The following CDCP1 variants were observed in gnomAD, a reference collection of about 807,000 sequenced individuals.
CDCP1 encodes the protein CUB domain-containing protein 1.
A neutral mutation model predicts 60.2 loss-of-function variants in CDCP1; 29 were observed. That is an observed-to-expected ratio of 0.48 (90% CI 0.36 to 0.66). The LOEUF (loss-of-function observed/expected upper bound fraction) is 0.66, where lower values mean the gene tolerates loss of function less well. CDCP1 is among the 30% of genes least tolerant of loss of function. The probability of loss-of-function intolerance (pLI) is 0.00; values close to 1 mark genes in which losing one functional copy is unlikely to be tolerated. For missense variants in CDCP1, 876 were observed against 1,074.3 expected (o/e 0.82, Z 2.58); for synonymous variants, 387 against 431.1 (o/e 0.90, Z 1.27).
At chr3:45,138,497 A>T (rs534690153) in intron 1 of CDCP1, among the ~76,000 whole-genome samples, 1 of 152,252 alleles carries the variant, frequency 6.6e-6, no homozygotes, top group South Asian at 2.1e-4. Flanking sequence ...AAAGTGTCTT[A>T]GTTCGTTTTG....
In CDCP1 at chr3:45,110,844, A is replaced by T. The variant is rs1205242258; in HGVS notation, c.656-3T>A. 2 of 1,605,648 alleles carry T rather than the reference A, an allele frequency of 1.2e-6. No individual in the cohort carries two copies. The highest frequency in any genetic ancestry group is 1.3e-5 in the African/African-American group (1 of 74,750). On this transcript the variant is annotated splice_polypyrimidine_tract_variant and splice_region_variant and intron_variant, in intron 3 of 8. Transcript: ENST00000296129. ...CACAGACTCGATGATGCACAGACCTAGTGGGAGTGGAACCCAAACCAGAAA... is the reference window on the plus strand; with the variant it reads ...CACAGACTCGATGATGCACAGACCTTGTGGGAGTGGAACCCAAACCAGAAA...
intron 2 of CDCP1, 110 bp downstream of exon 2, chr3:45,118,302 T>C: frequency 3.7e-6 from 3 of 813,500 alleles, no homozygotes; most frequent in Non-Finnish European, 4.0e-6. Context: ...AGTTTCAGAA[T>C]AGATCTTAGC....
Position 45,093,661 on chromosome 3 carries a change from G to A in CDCP1, c.1247-4C>T. On this transcript the variant is annotated splice_region_variant and splice_polypyrimidine_tract_variant and intron_variant, in intron 5 of 8. Coordinates refer to ENST00000296129, the MANE Select transcript of CDCP1 (RefSeq NM_022842.5). Reference sequence around the variant, plus strand: ...CAGTACCGGTGGTCTGTGCAGCCTGGAAGAAGTGGGGCATGCTAGCCATGC... The same window carrying A: ...CAGTACCGGTGGTCTGTGCAGCCTGAAAGAAGTGGGGCATGCTAGCCATGC... 2.5e-6 allele frequency: 4 copies of A among 1,603,374 alleles called. No homozygotes were observed. The highest frequency in any genetic ancestry group is 2.2e-5 in the East Asian group (1 of 44,650).
chr3:45,094,900 C>T (rs1236587589), intron 5 of CDCP1, among the ~76,000 whole-genome samples: 1 of 151,318 alleles, frequency 6.6e-6, no homozygotes, highest in Non-Finnish European at 1.5e-5. Context: ...ACCCACTCTG[C>T]TTGCCTCCTG....
chr3:45,141,811 G>C (rs757112508), intron 1 of CDCP1, among the ~76,000 whole-genome samples: 1 of 151,788 alleles, frequency 6.6e-6, no homozygotes, highest in Admixed American at 6.6e-5. Flanking sequence ...TTATAATTTA[G>C]AATGATAATT....
chr3:45,089,480 G>A (rs1186490533), intron 7 of CDCP1, among the ~76,000 whole-genome samples: 3 of 152,154 alleles, frequency 2.0e-5, no homozygotes, highest in Non-Finnish European at 4.4e-5. Flanking sequence ...TAGCCATGTA[G>A]AGATTCCACC....
chr3:45,119,762 A>G (rs1250487220), intron 1 of CDCP1, among the ~76,000 whole-genome samples: 3 of 152,214 alleles, frequency 2.0e-5, no homozygotes, highest in South Asian at 2.1e-4. Flanking sequence ...ACTCATTTTG[A>G]GAGTTTTGAC....
chr3:45,132,408 G>T (rs2126006786), intron 1 of CDCP1, among the ~76,000 whole-genome samples: 1 of 152,276 alleles, frequency 6.6e-6, no homozygotes, highest in African/African-American at 2.4e-5. Context: ...CTAGAGACGG[G>T]GTGGGGTGGT....
intron 1 of CDCP1, among the ~76,000 whole-genome samples, chr3:45,132,248 A>G (rs1699113356): frequency 6.6e-6 from 1 of 152,010 alleles, no homozygotes; most frequent in African/African-American, 2.4e-5. Context: ...AAAAAAAAAA[A>G]AGACATATAA....
chr3:45,101,924 G>C (rs1698490651), intron 4 of CDCP1, among the ~76,000 whole-genome samples: 1 of 151,192 alleles, frequency 6.6e-6, no homozygotes, highest in East Asian at 1.9e-4. Context: ...GCTTGGTTTA[G>C]TTCAACAGCC....
At chr3:45,119,758 T>G (rs115802224) in intron 1 of CDCP1, among the ~76,000 whole-genome samples, 2,582 of 152,336 alleles carry the variant, frequency 0.017, 81 homozygotes, top group African/African-American at 0.059. Flanking sequence ...ACTCACTCAT[T>G]TTGAGAGTTT....
chr3:45,093,593 G>A lies in CDCP1; in HGVS notation c.1311C>T (p.Leu437=), dbSNP rs1251430292. Residue 437 remains leucine, a synonymous_variant, in exon 6 of 9, where the codon CTC becomes CTT. Coordinates refer to ENST00000296129, the MANE Select transcript of CDCP1 (RefSeq NM_022842.5). ...AGTCATGCAGCTCCACAGGCAGGTG[G>A]AGGATGTCACTGGGCACCTGGAGTG... ...SYSLQVPSDI[L]HLPVELHDFS... 6 of 1,614,248 alleles carry A rather than the reference G, an allele frequency of 3.7e-6. No individual in the cohort carries two copies. Among genetic ancestry groups the A allele is most frequent in the Admixed American group, 1.7e-5 (1 of 60,030 alleles).
intron 4 of CDCP1, among the ~76,000 whole-genome samples, chr3:45,108,244 T>A (rs553202921): frequency 4.5e-4 from 68 of 152,152 alleles, no homozygotes; most frequent in Non-Finnish European, 8.4e-4. Flanking sequence ...AAGATGAAGC[T>A]GCCCAGAGAT....
In CDCP1 at chr3:45,088,849, G is replaced by A. The variant is rs56278330; in HGVS notation, c.2081+205C>T. ...AACTACATACAGGTGAAAATGTCACGTGTGTTTTATCCCCCCCTCACCCCC... is the reference window on the plus strand; with the variant it reads ...AACTACATACAGGTGAAAATGTCACATGTGTTTTATCCCCCCCTCACCCCC... On this transcript the variant is annotated intron_variant, in intron 8 of 8. Coordinates refer to ENST00000296129, the MANE Select transcript of CDCP1 (RefSeq NM_022842.5). Among the ~76,000 whole-genome samples, 239 of 151,980 alleles carry A rather than the reference G, an allele frequency of 1.6e-3. 1 individual carries two copies. Among genetic ancestry groups the A allele is most frequent in the Non-Finnish European group, 3.0e-3 (206 of 68,016 alleles).
chr3:45,117,463 A>C (rs1168053658), intron 2 of CDCP1, among the ~76,000 whole-genome samples: 1 of 152,214 alleles, frequency 6.6e-6, no homozygotes, highest in Non-Finnish European at 1.5e-5. Context: ...TAATTTGCTT[A>C]AAGTCATGTG....
intron 4 of CDCP1, among the ~76,000 whole-genome samples, chr3:45,095,966 A>T (rs1306595098): frequency 6.6e-6 from 1 of 152,246 alleles, no homozygotes; most frequent in Non-Finnish European, 1.5e-5. Flanking sequence ...CTAAATATTT[A>T]AAATATAGAA....
intron 1 of CDCP1, among the ~76,000 whole-genome samples, chr3:45,126,132 T>TTCTTTC (rs1207670546): frequency 7.4e-6 from 1 of 136,050 alleles, no homozygotes; most frequent in Non-Finnish European, 1.5e-5. Flanking sequence ...CTTTCTTTCT[T>TTCTTTC]TCTTTCTTTC....
In CDCP1 at chr3:45,095,537, CT is replaced by C; in HGVS notation, c.1055del (p.Glu352GlyfsTer27). ...GCTCGATGGTGAGTGACATGGCTCGCTCATTACTCAAGTCAACCACGTAGAT... is the reference window on the plus strand; with the variant it reads ...GCTCGATGGTGAGTGACATGGCTCGCCATTACTCAAGTCAACCACGTAGAT... ...NKIYVVDLSN[E>X]RAMSLTIEPR... On this transcript the variant is annotated frameshift_variant, in exon 5 of 9. Coordinates refer to ENST00000296129, the MANE Select transcript of CDCP1 (RefSeq NM_022842.5). LOFTEE classifies it high-confidence loss of function. 1 of 1,614,078 alleles carries C rather than the reference CT, an allele frequency of 6.2e-7. No individual in the cohort carries two copies. Among genetic ancestry groups the C allele is most frequent in the Non-Finnish European group, 8.5e-7 (1 of 1,180,018 alleles).
At chr3:45,095,861 G>T (rs1263169187) in intron 4 of CDCP1, among the ~76,000 whole-genome samples, 1 of 152,186 alleles carries the variant, frequency 6.6e-6, no homozygotes, top group African/African-American at 2.4e-5. Context: ...GATGATAGGT[G>T]CTACAAATAA....
Sources: allele counts gnomAD v4.1 joint callset (sites outside exome capture counted in the v4.1 genomes callset), GRCh38; gene constraint gnomAD v4.1.1; transcripts MANE v1.5; gene names NCBI Gene and HGNC (gene_info 2026-07-23, HGNC 2026-07-21).